TRHDE: variants seen among roughly 807,000 people sequenced by gnomAD.
TRHDE encodes the protein thyrotropin-releasing hormone-degrading ectoenzyme.
Under a neutral mutation model 125.7 loss-of-function variants are expected in TRHDE, and 72 were observed. That is an observed-to-expected ratio of 0.57 (90% CI 0.47 to 0.70). TRHDE has a LOEUF of 0.70. Ranked by LOEUF, TRHDE falls within the 30% of genes least tolerant of loss-of-function variation. TRHDE has a pLI of 0.00. For missense variants in TRHDE, 1,110 were observed against 1,327.1 expected (o/e 0.84, Z 2.54); for synonymous variants, 509 against 509.1 (o/e 1.00, Z 0.00).
chr12:72,494,896 T>C (rs1877838254), intron 5 of TRHDE, among the ~76,000 whole-genome samples: 1 of 152,018 alleles, frequency 6.6e-6, no homozygotes, highest in African/African-American at 2.4e-5. Context: ...CACTCGCCTC[T>C]TATCTTAGAC....
Position 72,664,121 on chromosome 12 carries a change from T to G in TRHDE, c.*926T>G, listed in dbSNP as rs1291016810. The G allele has an allele frequency of 6.6e-6, 1 of 152,146 alleles. No individual in the cohort carries two copies. The highest frequency in any genetic ancestry group is 2.4e-5 in the African/African-American group (1 of 41,446). The allele number at this position is 152,146 out of a possible 1,614,324, so 9.4% of individuals were successfully genotyped here. ...TACATGAAGATGAATACAAACAAAA[T>G]TTTTGTATAAACTACTATTCCAGTT... On this transcript the variant is annotated 3_prime_UTR_variant, in exon 19 of 19. Coordinates refer to ENST00000261180, the MANE Select transcript of TRHDE (RefSeq NM_013381.3).
At chr12:72,382,170 C>G (rs1872215937) in intron 3 of TRHDE, among the ~76,000 whole-genome samples, 3 of 152,090 alleles carry the variant, frequency 2.0e-5, no homozygotes, top group Admixed American at 2.0e-4. Context: ...GTGGGGAAAG[C>G]ATTTCAAAAA....
At chr12:72,354,733 TA>T (rs1870735306) in intron 2 of TRHDE, among the ~76,000 whole-genome samples, 1 of 148,948 alleles carries the variant, frequency 6.7e-6, no homozygotes, top group East Asian at 2.0e-4. Flanking sequence ...TATGTATACA[TA>T]AAATATATAT....
At chr12:72,393,054 A>G (rs542177351) in intron 3 of TRHDE, among the ~76,000 whole-genome samples, 22 of 152,240 alleles carry the variant, frequency 1.4e-4, no homozygotes, top group African/African-American at 4.8e-4. Context: ...TTGAATGCTA[A>G]TGTTTCATAT....
intron 2 of TRHDE, among the ~76,000 whole-genome samples, chr12:72,310,235 C>A (rs905804242): frequency 9.2e-5 from 14 of 152,162 alleles, no homozygotes; most frequent in African/African-American, 3.1e-4. Context: ...ATAGTATCCA[C>A]CTCATAGGGT....
intron 3 of TRHDE, among the ~76,000 whole-genome samples, chr12:72,441,262 T>A (rs555965718): frequency 6.6e-6 from 1 of 152,082 alleles, no homozygotes; most frequent in African/African-American, 2.4e-5. Flanking sequence ...TCTCATATAA[T>A]GTTTTGCCTT....
intron 2 of TRHDE, among the ~76,000 whole-genome samples, chr12:72,312,646 G>A (rs929567526): frequency 4.6e-5 from 7 of 152,042 alleles, no homozygotes; most frequent in Non-Finnish European, 8.8e-5. Context: ...TTTTCCGGGA[G>A]GTCACGAATT....
chr12:72,616,035 T>A (rs1872798808), intron 12 of TRHDE, among the ~76,000 whole-genome samples: 1 of 152,122 alleles, frequency 6.6e-6, no homozygotes, highest in South Asian at 2.1e-4. Context: ...AACTGGGAAG[T>A]ATAGTTCATT....
intron 2 of TRHDE, among the ~76,000 whole-genome samples, chr12:72,214,462 A>G (rs189589328): frequency 1.3e-5 from 2 of 152,296 alleles, no homozygotes; most frequent in Non-Finnish European, 2.9e-5. Context: ...CTGCAAAACA[A>G]TTATTGCTTT....
intron 5 of TRHDE, among the ~76,000 whole-genome samples, chr12:72,487,100 A>T (rs1047964132): frequency 1.3e-5 from 2 of 150,422 alleles, no homozygotes; most frequent in Non-Finnish European, 3.0e-5. Flanking sequence ...GATTGTCAGA[A>T]TTTTTTTTTT....
chr12:72,638,099 T>C (rs1391351353), intron 15 of TRHDE, among the ~76,000 whole-genome samples: 9 of 147,448 alleles, frequency 6.1e-5, no homozygotes, highest in African/African-American at 2.3e-4. Context: ...ATGTTGACAG[T>C]GGGGTGTTAA....
intron 12 of TRHDE, among the ~76,000 whole-genome samples, chr12:72,616,723 G>T (rs1337339787): frequency 2.0e-5 from 3 of 152,040 alleles, no homozygotes; most frequent in African/African-American, 7.2e-5. Flanking sequence ...TTGAAGTTTT[G>T]TAATAAGTTA....
At chr12:72,135,340 C>T (rs1049898859) in intron 2 of TRHDE, among the ~76,000 whole-genome samples, 3 of 152,204 alleles carry the variant, frequency 2.0e-5, no homozygotes, top group Non-Finnish European at 2.9e-5. Context: ...ACCAGTTCTG[C>T]AGAACCCCCA....
At chr12:72,088,218 C>T (rs955138059) in intron 1 of TRHDE, among the ~76,000 whole-genome samples, 26 of 151,934 alleles carry the variant, frequency 1.7e-4, no homozygotes, top group African/African-American at 6.0e-4. Context: ...TCTAAGTCCT[C>T]AATGTTATCT....
At chr12:72,354,423 T>C (rs1447538935) in intron 2 of TRHDE, among the ~76,000 whole-genome samples, 1 of 151,460 alleles carries the variant, frequency 6.6e-6, no homozygotes, top group African/African-American at 2.4e-5. Context: ...GGTAAAAGTA[T>C]AGCATAGCAT....
At chr12:72,553,128 CAA>C (rs1267655929) in intron 7 of TRHDE, among the ~76,000 whole-genome samples, 2 of 152,052 alleles carry the variant, frequency 1.3e-5, no homozygotes, top group Non-Finnish European at 2.9e-5. Context: ...ATAGAGAATT[CAA>C]AGAGTAGAAA....
At chr12:72,653,218 C>A in intron 17 of TRHDE, 62 bp downstream of exon 17, 1 of 1,416,854 alleles carries the variant, frequency 7.1e-7, no homozygotes, top group Non-Finnish European at 9.6e-7. Flanking sequence ...GAATAAAGGC[C>A]CAAGTTTTGT....
intron 6 of TRHDE, among the ~76,000 whole-genome samples, chr12:72,518,388 A>G (rs1878993017): frequency 6.6e-6 from 1 of 150,834 alleles, no homozygotes; most frequent in Non-Finnish European, 1.5e-5. Flanking sequence ...TGATTCCTTT[A>G]CCATTATGTA....
At chr12:72,360,029 A>C (rs1870997029) in intron 2 of TRHDE, among the ~76,000 whole-genome samples, 1 of 151,690 alleles carries the variant, frequency 6.6e-6, no homozygotes, top group African/African-American at 2.4e-5. Context: ...AATAGTACGG[A>C]GACAATTGAT....
Sources: gnomAD v4.1 joint callset for allele counts (sites outside exome capture counted in the v4.1 genomes callset) on GRCh38, gnomAD v4.1.1 for gene constraint, MANE v1.5 for transcripts, NCBI Gene and HGNC (gene_info 2026-07-23, HGNC 2026-07-21) for gene names.